LMX1B: variants seen among roughly 807,000 people sequenced by gnomAD.
The protein encoded by LMX1B is LIM homeobox transcription factor 1 beta.
LMX1B carries 12 observed loss-of-function variants against 51.4 expected under a neutral mutation model. The observed-to-expected ratio is 0.23, with a 90% CI of 0.15 to 0.38. The LOEUF (loss-of-function observed/expected upper bound fraction) is 0.38, where lower values mean the gene tolerates loss of function less well. Among genes scored for constraint, LMX1B ranks in the 10% least tolerant of loss-of-function variants. The pLI, the probability that LMX1B is intolerant of heterozygous loss-of-function variation, is 1.00. For synonymous variants in LMX1B, 237 were observed against 235.4 expected (o/e 1.01, Z -0.06); for missense variants, 445 against 571.1 (o/e 0.78, Z 2.25).
In LMX1B at chr9:126,695,713, G is replaced by A. The variant is rs556028482; in HGVS notation, c.887-126G>A. Reference sequence around the variant, plus strand: ...CTGGGGAAGGGGCTGGGGAGTCAGTGTCTGGACAGCTTCAGCCAGAGTGGG... The same window carrying A: ...CTGGGGAAGGGGCTGGGGAGTCAGTATCTGGACAGCTTCAGCCAGAGTGGG... On this transcript the variant is annotated intron_variant, in intron 6 of 7. Coordinates refer to ENST00000373474, the MANE Select transcript of LMX1B (RefSeq NM_001174147.2). The surrounding 1 kb of genome is among the most constrained non-coding windows in gnomAD (Gnocchi z 5.2). The A allele has an allele frequency of 2.3e-4, 243 of 1,069,678 alleles. No homozygotes were observed. Among genetic ancestry groups the A allele is most frequent in the Non-Finnish European group, 3.1e-4 (226 of 718,664 alleles). The allele number at this position is 1,069,678 out of a possible 1,614,324, so 66.3% of individuals were successfully genotyped here. A position where few individuals can be genotyped will look rare whatever the true frequency, so the allele number is the denominator to read the frequency against.
chr9:126,637,124 A>G (rs1835728179), intron 2 of LMX1B, among the ~76,000 whole-genome samples: 1 of 152,260 alleles, frequency 6.6e-6, no homozygotes, highest in Admixed American at 6.5e-5. Context: ...TGCTGCAAGC[A>G]TACCTGCCTT....
At chr9:126,624,647 G>T (rs1223039253) in intron 2 of LMX1B, among the ~76,000 whole-genome samples, 2 of 143,046 alleles carry the variant, frequency 1.4e-5, no homozygotes, top group Non-Finnish European at 3.0e-5. Context: ...GCGGCGAGTG[G>T]CAGGTTTTTT....
chr9:126,656,272 G>A (rs1034490028), intron 2 of LMX1B, among the ~76,000 whole-genome samples: 3 of 152,174 alleles, frequency 2.0e-5, no homozygotes, highest in Non-Finnish European at 2.9e-5. Flanking sequence ...TCTTCAGGCC[G>A]GATGCAGTAG....
rs1212723823 is a variant in LMX1B, at chr9:126,614,106, GCCGCCA to G, written c.-332_-327del. Among the ~76,000 whole-genome samples, 2 of 108,140 alleles carry G rather than the reference GCCGCCA, an allele frequency of 1.8e-5. No homozygotes were observed. Among genetic ancestry groups the G allele is most frequent in the African/African-American group, 6.8e-5 (2 of 29,416 alleles). 70.9% of individuals were successfully genotyped at this position (108,140 alleles called of 152,430 possible). On this transcript the variant is annotated 5_prime_UTR_variant, in exon 1 of 8. Coordinates refer to ENST00000373474, the MANE Select transcript of LMX1B (RefSeq NM_001174147.2). ...CCCACCCCCTCCCCCGCCTGCCGCC[GCCGCCA>G]CCGCCACCGCCGCCGCCGCCTCCTC...
intron 2 of LMX1B, among the ~76,000 whole-genome samples, chr9:126,650,801 C>T (rs558878843): frequency 6.6e-6 from 1 of 152,194 alleles, no homozygotes; most frequent in Non-Finnish European, 1.5e-5. Context: ...GGGCGGCCCT[C>T]GGCAGGCAGG....
At chr9:126,670,770 C>T (rs114700195) in intron 2 of LMX1B, among the ~76,000 whole-genome samples, 3,524 of 152,316 alleles carry the variant, frequency 0.023, 105 homozygotes, top group African/African-American at 0.078. Flanking sequence ...AGCGAAACCA[C>T]AGACAGCAGG....
intron 2 of LMX1B, among the ~76,000 whole-genome samples, chr9:126,634,877 T>C (rs921386700): frequency 1.3e-5 from 2 of 152,012 alleles, no homozygotes; most frequent in South Asian, 4.1e-4. Context: ...TGGGGTACAG[T>C]GTGGGCCAAA....
chr9:126,642,784 T>G (rs11793845), intron 2 of LMX1B, among the ~76,000 whole-genome samples: 74 of 152,364 alleles, frequency 4.9e-4, no homozygotes, highest in South Asian at 1.4e-3. Context: ...ACAGACTACC[T>G]TTCTGCTCAT....
chr9:126,669,637 T>G (rs1352748866), intron 2 of LMX1B, among the ~76,000 whole-genome samples: 2 of 152,150 alleles, frequency 1.3e-5, no homozygotes, highest in Non-Finnish European at 2.9e-5. Flanking sequence ...CTGTGCACAC[T>G]GTGTGTGACC....
At chr9:126,632,226 A>G (rs1445341564) in intron 2 of LMX1B, among the ~76,000 whole-genome samples, 1 of 152,108 alleles carries the variant, frequency 6.6e-6, no homozygotes. Flanking sequence ...CTTAGAGGGA[A>G]GAGTTGTGGG....
rs10760450 is a variant in LMX1B at position 126,697,349 on chromosome 9, C to T, written c.*898C>T. The T allele has an allele frequency of 0.14, 21,084 of 152,402 alleles. 1,903 individuals are homozygous for T. Among genetic ancestry groups the T allele is most frequent in the Non-Finnish European group, 0.21 (14,304 of 68,164 alleles). The allele number at this position is 152,402 out of a possible 1,614,324, so 9.4% of individuals were successfully genotyped here. A position where few individuals can be genotyped will look rare whatever the true frequency, so the allele number is the denominator to read the frequency against. ...TAGAGGCAGATGGAGCCCCCAGAACCAGGTAGCATCAGACCAGACAACAGA... is the reference window on the plus strand; with the variant it reads ...TAGAGGCAGATGGAGCCCCCAGAACTAGGTAGCATCAGACCAGACAACAGA... On this transcript the variant is annotated 3_prime_UTR_variant, in exon 8 of 8. Transcript: ENST00000373474.
chr9:126,635,334 G>A (rs939102383), intron 2 of LMX1B, among the ~76,000 whole-genome samples: 1 of 152,242 alleles, frequency 6.6e-6, no homozygotes, highest in Admixed American at 6.5e-5. Context: ...GGACTTGGAA[G>A]ACTGAGAACA....
At chr9:126,681,910 A>AT (rs1554727631) in intron 2 of LMX1B, among the ~76,000 whole-genome samples, 3,208 of 149,802 alleles carry the variant, frequency 0.021, 90 homozygotes, top group African/African-American at 0.072. Flanking sequence ...CAAAAAAAAA[A>AT]AATAATAATA....
intron 2 of LMX1B, among the ~76,000 whole-genome samples, chr9:126,670,552 G>T (rs751750235): frequency 6.6e-6 from 1 of 152,330 alleles, no homozygotes; most frequent in Middle Eastern, 3.4e-3. Context: ...GTGTGAGTAG[G>T]TTGACACGCT....
intron 2 of LMX1B, among the ~76,000 whole-genome samples, chr9:126,645,559 A>T (rs930873366): frequency 1.3e-5 from 2 of 152,146 alleles, no homozygotes; most frequent in African/African-American, 2.4e-5. Flanking sequence ...CTACACAACC[A>T]CATAGGGCAG....
chr9:126,634,337 T>C (rs1835677700), intron 2 of LMX1B, among the ~76,000 whole-genome samples: 1 of 152,162 alleles, frequency 6.6e-6, no homozygotes, highest in Non-Finnish European at 1.5e-5. Context: ...GGCAGGTCTC[T>C]GAAGCCAGCG....
chr9:126,646,588 G>T (rs758785048), intron 2 of LMX1B, among the ~76,000 whole-genome samples: 18 of 152,246 alleles, frequency 1.2e-4, no homozygotes, highest in Admixed American at 4.6e-4. Flanking sequence ...GCCAGGTGCA[G>T]CCTGCCCCTC....
intron 2 of LMX1B, among the ~76,000 whole-genome samples, chr9:126,682,983 A>G (rs1836704420): frequency 6.6e-6 from 1 of 150,400 alleles, no homozygotes; most frequent in Non-Finnish European, 1.5e-5. Context: ...CTGGCCTGGG[A>G]TGGCTCCCCG....
At chr9:126,639,580 C>T (rs568568877) in intron 2 of LMX1B, among the ~76,000 whole-genome samples, 23 of 152,356 alleles carry the variant, frequency 1.5e-4, no homozygotes, top group Admixed American at 1.4e-3. Context: ...ATAACACACG[C>T]CCAACAATAA....
Sources: allele counts gnomAD v4.1 joint callset (sites outside exome capture counted in the v4.1 genomes callset), GRCh38; gene constraint gnomAD v4.1.1; non-coding constraint Gnocchi (gnomAD v3.1); transcripts MANE v1.5; gene names NCBI Gene and HGNC (gene_info 2026-07-23, HGNC 2026-07-21).